The following BNC2 variants were observed in gnomAD, a reference collection of about 807,000 sequenced individuals.
BNC2 encodes basonuclin zinc finger protein 2, also known as zinc finger protein basonuclin-2.
In BNC2, 20 loss-of-function variants were observed where a neutral mutation model predicts 76.3. That is an observed-to-expected ratio of 0.26 (90% CI 0.18 to 0.38). The LOEUF (loss-of-function observed/expected upper bound fraction) is 0.38, where lower values mean the gene tolerates loss of function less well. BNC2 is among the 10% of genes least tolerant of loss of function. The probability of loss-of-function intolerance (pLI) is 1.00; values close to 1 mark genes in which losing one functional copy is unlikely to be tolerated. For missense variants in BNC2, 1,382 were observed against 1,399.8 expected (o/e 0.99, Z 0.20); for synonymous variants, 582 against 514.8 (o/e 1.13, Z -1.77).
chr9:16,538,461 C>T (rs922739348), intron 5 of BNC2, among the ~76,000 whole-genome samples: 1 of 152,142 alleles, frequency 6.6e-6, no homozygotes, highest in African/African-American at 2.4e-5. Context: ...GAGATCGTCT[C>T]GTTCTAAATG....
chr9:16,504,679 A>G lies in BNC2; in HGVS notation c.669+47851T>C, dbSNP rs564043063. On this transcript the variant is annotated intron_variant, in intron 5 of 6. Transcript: ENST00000380672. Reference sequence around the variant, plus strand: ...AAAAATGTGTTCTCATCCTGCGCTAACAAATTAGAACTGTGGAACCAGCCA... The same window carrying G: ...AAAAATGTGTTCTCATCCTGCGCTAGCAAATTAGAACTGTGGAACCAGCCA... 7.2e-4 allele frequency among the ~76,000 whole-genome samples: 109 copies of G among 152,278 alleles called. 3 individuals are homozygous for G. In the South Asian group the frequency reaches 8.7e-3, roughly 12 times the overall value.
intron 5 of BNC2, among the ~76,000 whole-genome samples, chr9:16,444,576 T>C (rs1356134128): frequency 2.0e-5 from 3 of 152,038 alleles, no homozygotes; most frequent in Non-Finnish European, 4.4e-5. Flanking sequence ...TTATCTCAGG[T>C]AATATGAACA....
chr9:16,806,842 C>G (rs1363532081), intron 1 of BNC2, among the ~76,000 whole-genome samples: 2 of 152,076 alleles, frequency 1.3e-5, no homozygotes, highest in East Asian at 1.9e-4. Context: ...AGAAACTATC[C>G]TTGAATTAAA....
chr9:16,615,899 A>G (rs1254421503), intron 3 of BNC2, among the ~76,000 whole-genome samples: 1 of 152,166 alleles, frequency 6.6e-6, no homozygotes, highest in Non-Finnish European at 1.5e-5. Flanking sequence ...TTTACAGATA[A>G]GGAGACTAAG....
chr9:16,518,760 C>G (rs938533320), intron 5 of BNC2, among the ~76,000 whole-genome samples: 3 of 152,108 alleles, frequency 2.0e-5, no homozygotes, highest in South Asian at 2.1e-4. Context: ...ACCACCATGC[C>G]TGGCTAATGT....
chr9:16,623,772 A>G (rs990548658), intron 3 of BNC2, among the ~76,000 whole-genome samples: 3 of 152,212 alleles, frequency 2.0e-5, no homozygotes, highest in Non-Finnish European at 4.4e-5. Flanking sequence ...GCCTTTGGGA[A>G]AACCCCGTGA....
At chr9:16,844,660 G>T (rs560565438) in intron 1 of BNC2, among the ~76,000 whole-genome samples, 1 of 151,782 alleles carries the variant, frequency 6.6e-6, no homozygotes, top group Non-Finnish European at 1.5e-5. Flanking sequence ...CACCACGCCC[G>T]GCTAATTTTT....
intron 5 of BNC2, among the ~76,000 whole-genome samples, chr9:16,493,457 G>A (rs1184822577): frequency 6.6e-6 from 1 of 152,204 alleles, no homozygotes; most frequent in Non-Finnish European, 1.5e-5. Context: ...GCTGTCTTGA[G>A]CACCTACTGT....
chr9:16,856,602 A>G (rs2136185781), intron 1 of BNC2, among the ~76,000 whole-genome samples: 1 of 152,320 alleles, frequency 6.6e-6, no homozygotes, highest in South Asian at 2.1e-4. Context: ...CTTACAAGGG[A>G]CATTTACTGG....
chr9:16,818,466 G>C (rs537068842), intron 1 of BNC2, among the ~76,000 whole-genome samples: 31 of 152,282 alleles, frequency 2.0e-4, no homozygotes, highest in Admixed American at 1.2e-3. Flanking sequence ...AGTTTAAAGA[G>C]AATACCAAAA....
chr9:16,720,104 A>G (rs1342401087), intron 3 of BNC2, among the ~76,000 whole-genome samples: 1 of 152,218 alleles, frequency 6.6e-6, no homozygotes, highest in Non-Finnish European at 1.5e-5. Flanking sequence ...ACACGTTTTT[A>G]TCATGCCCTT....
chr9:16,702,570 G>C (rs1336035431), intron 3 of BNC2, among the ~76,000 whole-genome samples: 1 of 149,302 alleles, frequency 6.7e-6, no homozygotes, highest in Admixed American at 6.7e-5. Context: ...ATCTGCTGAT[G>C]GCCTAATATC....
At chr9:16,752,326 C>T (rs1825243211) in intron 1 of BNC2, among the ~76,000 whole-genome samples, 1 of 152,192 alleles carries the variant, frequency 6.6e-6, no homozygotes, top group Non-Finnish European at 1.5e-5. Context: ...CCAAAGCCTA[C>T]TGCTTTAAAT....
chr9:16,494,910 C>T (rs1046507970), intron 5 of BNC2, among the ~76,000 whole-genome samples: 3 of 152,110 alleles, frequency 2.0e-5, no homozygotes, highest in African/African-American at 7.2e-5. Flanking sequence ...AGCAAACTAA[C>T]GTGGCACATG....
chr9:16,491,533 T>C (rs971137018), intron 5 of BNC2, among the ~76,000 whole-genome samples: 9 of 152,190 alleles, frequency 5.9e-5, no homozygotes, highest in Non-Finnish European at 7.3e-5. Flanking sequence ...CTATATTGGA[T>C]ACCTTGATAG....
intron 1 of BNC2, among the ~76,000 whole-genome samples, chr9:16,844,567 G>A (rs1818917441): frequency 1.3e-5 from 2 of 148,846 alleles, no homozygotes; most frequent in African/African-American, 5.0e-5. Flanking sequence ...GCGAGATCTC[G>A]GCTCACTGCA....
At chr9:16,676,200 G>A (rs914529579) in intron 3 of BNC2, among the ~76,000 whole-genome samples, 1 of 152,098 alleles carries the variant, frequency 6.6e-6, no homozygotes, top group Non-Finnish European at 1.5e-5. Flanking sequence ...GTACATGTAG[G>A]AGGGAATGTG....
At chr9:16,703,585 G>A (rs980156238) in intron 3 of BNC2, among the ~76,000 whole-genome samples, 2 of 152,096 alleles carry the variant, frequency 1.3e-5, no homozygotes, top group African/African-American at 4.8e-5. Context: ...ATCGCTTATT[G>A]GTGTAAGACT....
intron 1 of BNC2, among the ~76,000 whole-genome samples, chr9:16,747,660 A>G (rs1422555678): frequency 6.6e-6 from 1 of 152,222 alleles, no homozygotes; most frequent in East Asian, 1.9e-4. Flanking sequence ...CCAAATATCC[A>G]GCATTGCCTC....
Sources: allele counts gnomAD v4.1 joint callset (sites outside exome capture counted in the v4.1 genomes callset), GRCh38; gene constraint gnomAD v4.1.1; transcripts MANE v1.5; gene names NCBI Gene and HGNC (gene_info 2026-07-23, HGNC 2026-07-21).